Variants in FNBP1L observed in about 807,000 individuals in gnomAD.
FNBP1L encodes formin-binding protein 1-like.
Under a neutral mutation model 91.2 loss-of-function variants are expected in FNBP1L, and 36 were observed. The observed-to-expected ratio is 0.39, with a 90% CI of 0.30 to 0.52. FNBP1L has a LOEUF of 0.52. FNBP1L is among the 20% of genes least tolerant of loss of function. The pLI is 0.66. For synonymous variants in FNBP1L, 242 were observed against 237.0 expected (o/e 1.02, Z -0.19); for missense variants, 571 against 732.1 (o/e 0.78, Z 2.54).
At chr1:93,469,027 T>G (rs1256634079) in intron 1 of FNBP1L, among the ~76,000 whole-genome samples, 2 of 152,184 alleles carry the variant, frequency 1.3e-5, no homozygotes, top group Non-Finnish European at 2.9e-5. Context: ...CATCTTTTCT[T>G]GTGCTTATTG....
At chr1:93,458,453 A>C (rs185653646) in intron 1 of FNBP1L, among the ~76,000 whole-genome samples, 2 of 152,306 alleles carry the variant, frequency 1.3e-5, no homozygotes, top group East Asian at 3.9e-4. Context: ...CTAGACCTTC[A>C]TGTCACACCA....
At chr1:93,526,210 G>A (rs1216026175) in intron 5 of FNBP1L, among the ~76,000 whole-genome samples, 8 of 152,168 alleles carry the variant, frequency 5.3e-5, no homozygotes. Context: ...CATCAGAGAT[G>A]CGAGGTCCAT....
Position 93,535,002 on chromosome 1 carries a change from A to C in FNBP1L, c.990+94A>C, listed in dbSNP as rs903246963. The C allele has an allele frequency of 8.4e-6, 8 of 949,950 alleles. No individual in the cohort carries two copies. In the African/African-American group the frequency reaches 1.2e-4, roughly 14 times the overall value. 58.8% of individuals were successfully genotyped at this position (949,950 alleles called of 1,614,324 possible). ...ATGCAAAATGATTTACCATTAATGG[A>C]GAATAAATATTTTCAATTTGAATGA... On this transcript the variant is annotated intron_variant, in intron 9 of 16. Coordinates refer to ENST00000271234, the MANE Select transcript of FNBP1L (RefSeq NM_001164473.3).
At chr1:93,540,544 T>C (rs2101767656) in intron 10 of FNBP1L, among the ~76,000 whole-genome samples, 1 of 152,262 alleles carries the variant, frequency 6.6e-6, no homozygotes, top group East Asian at 1.9e-4. Flanking sequence ...CTAACCATGG[T>C]ATATTTAAAT....
chr1:93,497,497 A>G (rs896284712), intron 1 of FNBP1L, among the ~76,000 whole-genome samples: 2 of 152,224 alleles, frequency 1.3e-5, no homozygotes, highest in African/African-American at 4.8e-5. Context: ...GGCAACAACT[A>G]GAAACTAGAT....
chr1:93,454,992 G>C (rs1455261373), intron 1 of FNBP1L, among the ~76,000 whole-genome samples: 1 of 152,068 alleles, frequency 6.6e-6, no homozygotes, highest in Non-Finnish European at 1.5e-5. Context: ...GCAGTGGTGT[G>C]ATCTTGGCTC....
intron 11 of FNBP1L, among the ~76,000 whole-genome samples, chr1:93,543,105 AT>A (rs1304620125): frequency 6.6e-6 from 1 of 152,138 alleles, no homozygotes; most frequent in African/African-American, 2.4e-5. Context: ...TATTCTTAGA[AT>A]AACCATTTTG....
chr1:93,510,838 T>A (rs927418833), intron 2 of FNBP1L, among the ~76,000 whole-genome samples: 1 of 151,950 alleles, frequency 6.6e-6, no homozygotes, highest in African/African-American at 2.4e-5. Flanking sequence ...TGGGATCAAC[T>A]GGAAGAAAGG....
intron 2 of FNBP1L, among the ~76,000 whole-genome samples, chr1:93,512,012 G>C (rs1670871758): frequency 6.7e-6 from 1 of 148,462 alleles, no homozygotes; most frequent in Non-Finnish European, 1.5e-5. Flanking sequence ...TCAGTGTGCT[G>C]TATTCAGGAA....
At chr1:93,451,904 C>A (rs1157894506) in intron 1 of FNBP1L, among the ~76,000 whole-genome samples, 1 of 152,142 alleles carries the variant, frequency 6.6e-6, no homozygotes, top group Non-Finnish European at 1.5e-5. Flanking sequence ...CCCGCCTCGG[C>A]CTCTCAAAGT....
intron 1 of FNBP1L, among the ~76,000 whole-genome samples, chr1:93,494,639 C>T (rs986560035): frequency 1.3e-5 from 2 of 152,158 alleles, no homozygotes; most frequent in Non-Finnish European, 2.9e-5. Flanking sequence ...CCCTGTGACT[C>T]AGGGAATAAG....
At position 93,524,257 on chromosome 1, in the gene FNBP1L, T is replaced by C. The variant is rs1187003188; in HGVS notation, c.343-4T>C. The C allele has an allele frequency of 6.7e-7, 1 of 1,486,868 alleles. No homozygotes were observed. The highest frequency in any genetic ancestry group is 2.6e-5 in the East Asian group (1 of 38,352). 92.1% of individuals were successfully genotyped at this position (1,486,868 alleles called of 1,614,324 possible). A position where few individuals can be genotyped will look rare whatever the true frequency, so the allele number is the denominator to read the frequency against. The stretch of plus-strand genomic sequence containing the variant: ...TTTTTTTTGGCCGTGGTTATAATCT[T>C]CAGCATCTGCAAGAAGGACGAAAAG... On this transcript the variant is annotated splice_region_variant and splice_polypyrimidine_tract_variant and intron_variant, in intron 4 of 16. Transcript: ENST00000271234.
intron 11 of FNBP1L, among the ~76,000 whole-genome samples, chr1:93,542,280 A>G (rs1224789687): frequency 6.6e-6 from 1 of 151,970 alleles, no homozygotes; most frequent in Non-Finnish European, 1.5e-5. Flanking sequence ...ATGAGACCCT[A>G]TCTCTACAAA....
intron 1 of FNBP1L, among the ~76,000 whole-genome samples, chr1:93,482,057 G>T (rs1245569898): frequency 2.0e-5 from 3 of 152,130 alleles, no homozygotes; most frequent in Non-Finnish European, 4.4e-5. Context: ...CTACTCGGGG[G>T]GCTGAGGTGG....
chr1:93,542,132 C>T (rs574147432), intron 11 of FNBP1L, among the ~76,000 whole-genome samples: 2 of 151,836 alleles, frequency 1.3e-5, no homozygotes, highest in Non-Finnish European at 2.9e-5. Context: ...TACTAGTTTT[C>T]AAAACTTGTA....
At position 93,493,437 on chromosome 1, in the gene FNBP1L, G is replaced by A. The variant is rs368927311; in HGVS notation, c.25-6031G>A. Among the ~76,000 whole-genome samples, 24 of 152,226 alleles carry A rather than the reference G, an allele frequency of 1.6e-4. No homozygotes were observed. In the South Asian group the frequency reaches 3.1e-3, roughly 20 times the overall value. On this transcript the variant is annotated intron_variant, in intron 1 of 16. Transcript: ENST00000271234. ...TGTACAGTTTAGTGGCATTAAGTGC[G>A]TTGATACTGTTGTACAACCATCACC...
intron 2 of FNBP1L, among the ~76,000 whole-genome samples, chr1:93,513,854 T>G (rs542351455): frequency 2.0e-5 from 3 of 152,214 alleles, no homozygotes; most frequent in Admixed American, 2.0e-4. Flanking sequence ...CTTTGAAAAC[T>G]GGCACAAGAC....
intron 1 of FNBP1L, among the ~76,000 whole-genome samples, chr1:93,499,235 T>G (rs1670365233): frequency 6.6e-6 from 1 of 152,044 alleles, no homozygotes; most frequent in Non-Finnish European, 1.5e-5. Context: ...GGGAGGGTGT[T>G]GCAACTGGGA....
chr1:93,509,916 T>C (rs1193331247), intron 2 of FNBP1L, among the ~76,000 whole-genome samples: 1 of 152,186 alleles, frequency 6.6e-6, no homozygotes, highest in Non-Finnish European at 1.5e-5. Context: ...GCTTAAAAAA[T>C]GGCGCACCAG....
Sources: gnomAD v4.1 joint callset for allele counts (sites outside exome capture counted in the v4.1 genomes callset) on GRCh38, gnomAD v4.1.1 for gene constraint, MANE v1.5 for transcripts, NCBI Gene and HGNC (gene_info 2026-07-23, HGNC 2026-07-21) for gene names.